The following KLHL29 variants were observed in gnomAD, a reference collection of about 807,000 sequenced individuals.
KLHL29 encodes the protein kelch-like protein 29.
In KLHL29, 21 loss-of-function variants were observed where a neutral mutation model predicts 80.4. The observed-to-expected ratio is 0.26, with a 90% CI of 0.19 to 0.38. The LOEUF is 0.38. Ranked by LOEUF, KLHL29 falls within the 10% of genes least tolerant of loss-of-function variation. The probability of loss-of-function intolerance (pLI) is 1.00; values close to 1 mark genes in which losing one functional copy is unlikely to be tolerated. For synonymous variants in KLHL29, 511 were observed against 526.8 expected (o/e 0.97, Z 0.41); for missense variants, 867 against 1,223.9 (o/e 0.71, Z 4.35).
chr2:23,600,790 C>T (rs1668550585), intron 3 of KLHL29, among the ~76,000 whole-genome samples: 1 of 152,200 alleles, frequency 6.6e-6, no homozygotes, highest in African/African-American at 2.4e-5. Flanking sequence ...GTCCTCTCTG[C>T]CAGAATCCAC....
At position 23,648,162 on chromosome 2, in the gene KLHL29, C is replaced by T. The variant is rs574587063; in HGVS notation, c.940+5312C>T. On this transcript the variant is annotated intron_variant, in intron 5 of 13. Transcript: ENST00000486442. ...GGGACAGAAGTCCATCTGTTTCAAA[C>T]TTCCTTCTGCACCCAAGCACCTCCA... Among the ~76,000 whole-genome samples the T allele has an allele frequency of 3.5e-4, 53 of 152,236 alleles. 1 individual carries two copies. In the South Asian group the frequency reaches 0.011, roughly 32 times the overall value.
intron 5 of KLHL29, among the ~76,000 whole-genome samples, chr2:23,662,251 CCT>C (rs983791646): frequency 3.3e-5 from 5 of 152,118 alleles, no homozygotes; most frequent in African/African-American, 1.2e-4. Flanking sequence ...GTTTTTCTGC[CCT>C]CTCACATCGT....
intron 3 of KLHL29, among the ~76,000 whole-genome samples, chr2:23,565,102 G>T (rs780540566): frequency 1.3e-5 from 2 of 152,244 alleles, no homozygotes; most frequent in Non-Finnish European, 2.9e-5. Flanking sequence ...GAACAAGACA[G>T]AACCTGGCAT....
intron 3 of KLHL29, among the ~76,000 whole-genome samples, chr2:23,632,872 A>G (rs1338714838): frequency 6.6e-6 from 1 of 152,200 alleles, no homozygotes; most frequent in Non-Finnish European, 1.5e-5. Context: ...CCAGCTTTCC[A>G]GACTGCAGTC....
At chr2:23,570,192 A>C (rs1477004246) in intron 3 of KLHL29, among the ~76,000 whole-genome samples, 1 of 152,180 alleles carries the variant, frequency 6.6e-6, no homozygotes, top group Non-Finnish European at 1.5e-5. Context: ...ATCTGTATGC[A>C]CTCAGAGACT....
intron 3 of KLHL29, among the ~76,000 whole-genome samples, chr2:23,622,563 A>G (rs1669210643): frequency 6.6e-6 from 1 of 152,218 alleles, no homozygotes; most frequent in African/African-American, 2.4e-5. Context: ...GACCCTAGCC[A>G]TCTCTTCTGG....
chr2:23,577,188 G>A (rs189935041), intron 3 of KLHL29, among the ~76,000 whole-genome samples: 6 of 152,368 alleles, frequency 3.9e-5, no homozygotes, highest in African/African-American at 9.6e-5. Flanking sequence ...AGTCGCTCAC[G>A]CCTATAATCC....
intron 5 of KLHL29, among the ~76,000 whole-genome samples, chr2:23,683,077 A>T (rs1014453901): frequency 4.6e-5 from 7 of 152,244 alleles, no homozygotes; most frequent in African/African-American, 1.4e-4. Flanking sequence ...CATTTTACAG[A>T]TGCAGAAGCA....
chr2:23,666,931 T>C (rs982820272), intron 5 of KLHL29, among the ~76,000 whole-genome samples: 1 of 152,252 alleles, frequency 6.6e-6, no homozygotes, highest in Non-Finnish European at 1.5e-5. Context: ...ACTGGGCAGT[T>C]GCTCCCAATC....
intron 3 of KLHL29, among the ~76,000 whole-genome samples, chr2:23,629,124 TGGG>T (rs1488778776): frequency 5.9e-5 from 9 of 152,118 alleles, no homozygotes; most frequent in Non-Finnish European, 1.0e-4. Context: ...ACGCGGCTGT[TGGG>T]GGAGCGGTGC....
At chr2:23,483,439 G>A (rs910846141) in intron 2 of KLHL29, among the ~76,000 whole-genome samples, 13 of 152,310 alleles carry the variant, frequency 8.5e-5, no homozygotes, top group Admixed American at 7.8e-4. Context: ...ACCCTCCCAA[G>A]GTCACTGTCT....
Position 23,623,428 on chromosome 2 carries a change from T to A in KLHL29, c.286-15711T>A, listed in dbSNP as rs565577952. On this transcript the variant is annotated intron_variant, in intron 3 of 13. Transcript: ENST00000486442. ...AGCTCTGTTTTCTCCCTCCTGTAATTGTTACCATCTGTTTCCCTCCATCAT... is the reference window on the plus strand; with the variant it reads ...AGCTCTGTTTTCTCCCTCCTGTAATAGTTACCATCTGTTTCCCTCCATCAT... Among the ~76,000 whole-genome samples the A allele has an allele frequency of 2.6e-5, 4 of 152,308 alleles. No homozygotes were observed. The East Asian group carries it at 7.7e-4, about 29-fold the overall frequency.
intron 1 of KLHL29, among the ~76,000 whole-genome samples, chr2:23,399,395 T>C (rs1444782392): frequency 6.6e-6 from 1 of 152,264 alleles, no homozygotes; most frequent in Non-Finnish European, 1.5e-5. Context: ...TGTTATGGCA[T>C]GTATGTTTCA....
intron 2 of KLHL29, among the ~76,000 whole-genome samples, chr2:23,537,284 T>G (rs4563178): frequency 0.74 from 112,210 of 152,014 alleles, 42,074 homozygotes; most frequent in East Asian, 0.9. Context: ...GTTGCCTCAG[T>G]GGGAGGGGTC....
At chr2:23,652,019 C>T (rs1314490874) in intron 5 of KLHL29, among the ~76,000 whole-genome samples, 1 of 152,142 alleles carries the variant, frequency 6.6e-6, no homozygotes, top group Non-Finnish European at 1.5e-5. Flanking sequence ...TAGGAGGGGA[C>T]ACATTTCAGT....
At chr2:23,478,001 G>A (rs913916001) in intron 2 of KLHL29, among the ~76,000 whole-genome samples, 27 of 152,270 alleles carry the variant, frequency 1.8e-4, no homozygotes, top group Admixed American at 1.6e-3. Flanking sequence ...ATGTACTTTA[G>A]GATGGGGAGG....
At chr2:23,403,241 A>G (rs1558325129) in intron 1 of KLHL29, among the ~76,000 whole-genome samples, 1 of 152,212 alleles carries the variant, frequency 6.6e-6, no homozygotes, top group South Asian at 2.1e-4. Flanking sequence ...TCCCCATCCC[A>G]TAGTGAGCAG....
chr2:23,409,361 C>G (rs1666808611), intron 1 of KLHL29, among the ~76,000 whole-genome samples: 1 of 152,194 alleles, frequency 6.6e-6, no homozygotes, highest in East Asian at 1.9e-4. Context: ...TTCTCCTACC[C>G]TGATTCTTCC....
In KLHL29 at chr2:23,695,341, G is replaced by A. The variant is rs1671884290; in HGVS notation, c.1543-282G>A. On this transcript the variant is annotated intron_variant, in intron 8 of 13. Coordinates refer to ENST00000486442, the MANE Select transcript of KLHL29 (RefSeq NM_052920.2). This position sits in a 1 kb window ranked among gnomAD's most constrained non-coding sequence, Gnocchi z 7.6. ...GTCCACAGCCCCAGGTGGAGTGAGA[G>A]AATGGGGTGCTGGGGGGATGAACAC... Among the ~76,000 whole-genome samples, 2 of 152,152 alleles carry A rather than the reference G, an allele frequency of 1.3e-5. No homozygotes were observed. The highest frequency in any genetic ancestry group is 4.1e-4 in the South Asian group (2 of 4,822).
Sources: allele counts gnomAD v4.1 joint callset (sites outside exome capture counted in the v4.1 genomes callset), GRCh38; gene constraint gnomAD v4.1.1; non-coding constraint Gnocchi (gnomAD v3.1); transcripts MANE v1.5; gene names NCBI Gene and HGNC (gene_info 2026-07-23, HGNC 2026-07-21).